The following TPD52 variants were observed in gnomAD, a reference collection of about 807,000 sequenced individuals.
TPD52 encodes tumor protein D52, also known as prostate and colon associated protein.
A neutral mutation model predicts 31.3 loss-of-function variants in TPD52; 17 were observed. That is an observed-to-expected ratio of 0.54 (90% CI 0.37 to 0.82). The LOEUF (loss-of-function observed/expected upper bound fraction) is 0.82. Among genes scored for constraint, TPD52 ranks in the 40% least tolerant of loss-of-function variants. The pLI is 0.00. For synonymous variants in TPD52, 83 were observed against 89.6 expected, an observed-to-expected ratio of 0.93 and a Z score of 0.42; for missense variants, 212 against 240.1, an observed-to-expected ratio of 0.88 and a Z score of 0.77.
At chr8:80,103,249 C>T (rs1965695) in intron 1 of TPD52, among the ~76,000 whole-genome samples, 54,809 of 152,074 alleles carry the variant, frequency 0.36, 11,314 homozygotes, top group East Asian at 0.72. Context: ...ACTTTAAATT[C>T]GTGTGTGAAC....
rs537361921 is a variant in TPD52 at position 80,079,380 on chromosome 8, G to A, written c.20-14787C>T. Among the ~76,000 whole-genome samples the A allele has an allele frequency of 5.0e-4, 76 of 152,258 alleles. No individual in the cohort carries two copies. In the South Asian group the frequency reaches 8.1e-3, roughly 16 times the overall value. ...CCTGGAAATCCCAGCCACTTTTGGG[G>A]AAAGATGGCTACCAGGTGCAACCAA... On this transcript the variant is annotated intron_variant, in intron 1 of 7. Transcript: ENST00000518937.
At chr8:80,070,062 G>C (rs1159503059) in intron 1 of TPD52, among the ~76,000 whole-genome samples, 1 of 152,088 alleles carries the variant, frequency 6.6e-6, no homozygotes, top group Admixed American at 6.6e-5. Flanking sequence ...ACTTTCCCAT[G>C]CATAACCACC....
At chr8:80,120,009 CA>C (rs1563640542) in intron 1 of TPD52, 1 of 241,704 alleles carries the variant, frequency 4.1e-6, no homozygotes. Flanking sequence ...AAGAGACTGA[CA>C]AATTTGACTA....
intron 1 of TPD52, among the ~76,000 whole-genome samples, chr8:80,130,977 C>T (rs1808977975): frequency 6.6e-6 from 1 of 152,074 alleles, no homozygotes; most frequent in Admixed American, 6.5e-5. Context: ...AGTAATTTAC[C>T]CAGACCTTTC....
At chr8:80,044,056 C>A in intron 6 of TPD52, 111 bp downstream of exon 6, 2 of 905,810 alleles carry the variant, frequency 2.2e-6, no homozygotes, top group Non-Finnish European at 3.4e-6. Flanking sequence ...AAACACACAG[C>A]TTGTTTCAAG....
At chr8:80,163,139 A>G (rs1391705532) in intron 1 of TPD52, among the ~76,000 whole-genome samples, 1 of 152,176 alleles carries the variant, frequency 6.6e-6, no homozygotes. Flanking sequence ...TTCTAAAAGA[A>G]GTGAACACAG....
chr8:80,103,923 T>A (rs573094445), intron 1 of TPD52, among the ~76,000 whole-genome samples: 2 of 152,292 alleles, frequency 1.3e-5, no homozygotes, highest in Admixed American at 6.5e-5. Context: ...GTGTGACTGG[T>A]CCCCTACCAG....
chr8:80,085,594 C>T (rs548296865), intron 1 of TPD52, among the ~76,000 whole-genome samples: 2 of 151,844 alleles, frequency 1.3e-5, no homozygotes, highest in Non-Finnish European at 2.9e-5. Context: ...CAATATGGGA[C>T]AATCAGGCCG....
At chr8:80,102,358 T>C (rs1425900359) in intron 1 of TPD52, among the ~76,000 whole-genome samples, 2 of 152,234 alleles carry the variant, frequency 1.3e-5, no homozygotes, top group Admixed American at 1.3e-4. Context: ...ACATGTCAGC[T>C]GGTTTTCCAG....
At chr8:80,094,430 T>TTATATATATATATATATACA (rs1816533818) in intron 1 of TPD52, among the ~76,000 whole-genome samples, 1 of 53,694 alleles carries the variant, frequency 1.9e-5, no homozygotes, top group Non-Finnish European at 4.3e-5. Context: ...AAAGAAAATT[T>TTATATATATATATATATACA]TATATATATA....
downstream of TPD52, among the ~76,000 whole-genome samples, chr8:80,033,808 G>A (rs1809754711): frequency 6.6e-6 from 1 of 152,148 alleles, no homozygotes; most frequent in Non-Finnish European, 1.5e-5. Context: ...GCTGAGTGTG[G>A]GGTTTTTATG....
intron 1 of TPD52, among the ~76,000 whole-genome samples, chr8:80,136,055 C>T (rs1242780899): frequency 2.5e-5 from 3 of 118,396 alleles, no homozygotes. Flanking sequence ...GTGGGTGCAG[C>T]GCACCAGCAT....
intron 1 of TPD52, among the ~76,000 whole-genome samples, chr8:80,077,765 C>T (rs182079580): frequency 6.6e-6 from 1 of 152,248 alleles, no homozygotes; most frequent in Admixed American, 6.5e-5. Flanking sequence ...ATGCATTCCA[C>T]AAAGTTTTTG....
At chr8:80,089,618 A>G (rs1341531788) in intron 1 of TPD52, among the ~76,000 whole-genome samples, 3 of 152,250 alleles carry the variant, frequency 2.0e-5, no homozygotes, top group African/African-American at 7.2e-5. Context: ...ACCTACAATC[A>G]GCATGCAGGC....
Position 80,105,449 on chromosome 8 carries a change from C to T in TPD52, c.20-40856G>A, listed in dbSNP as rs149906547. On this transcript the variant is annotated intron_variant, in intron 1 of 7. Transcript: ENST00000518937. ...TCTAATTACCGGTACATGCAGCCCC[C>T]AGTCATGTACCCCCTGCTTGCTCAA... Among the ~76,000 whole-genome samples, 778 of 152,218 alleles carry T rather than the reference C, an allele frequency of 5.1e-3. 5 individuals are homozygous for T. The highest frequency in any genetic ancestry group is 0.018 in the African/African-American group (738 of 41,512).
intron 1 of TPD52, among the ~76,000 whole-genome samples, chr8:80,161,219 A>G (rs979105904): frequency 6.6e-6 from 1 of 152,252 alleles, no homozygotes; most frequent in Non-Finnish European, 1.5e-5. Flanking sequence ...ATGTATACAC[A>G]CACATTCTTA....
chr8:80,088,290 A>G (rs1407560596), intron 1 of TPD52, among the ~76,000 whole-genome samples: 1 of 152,232 alleles, frequency 6.6e-6, no homozygotes, highest in African/African-American at 2.4e-5. Flanking sequence ...CACTTGGAGT[A>G]ACAAGGTGAT....
chr8:80,164,316 GAGAAA>G (rs113604630), intron 1 of TPD52, among the ~76,000 whole-genome samples: 2,709 of 152,204 alleles, frequency 0.018, 82 homozygotes, highest in African/African-American at 0.061. Context: ...TACAGATAAA[GAGAAA>G]AGAAAAGAAT....
At chr8:80,155,491 T>C (rs1233895398) in intron 1 of TPD52, among the ~76,000 whole-genome samples, 1 of 152,082 alleles carries the variant, frequency 6.6e-6, no homozygotes. Flanking sequence ...AGGGTTGGAA[T>C]AGTCAGACGT....
Sources: allele counts gnomAD v4.1 joint callset (sites outside exome capture counted in the v4.1 genomes callset), GRCh38; gene constraint gnomAD v4.1.1; transcripts MANE v1.5; gene names NCBI Gene and HGNC (gene_info 2026-07-23, HGNC 2026-07-21).